ANK3: variants seen among roughly 807,000 people sequenced by gnomAD.
ANK3 encodes ankyrin-3.
In ANK3, 57 loss-of-function variants were observed where a neutral mutation model predicts 370.9. The observed-to-expected ratio is 0.15, with a 90% CI of 0.12 to 0.19. The LOEUF (loss-of-function observed/expected upper bound fraction) is 0.19, where lower values mean the gene tolerates loss of function less well. Ranked by LOEUF, ANK3 falls within the 10% of genes least tolerant of loss-of-function variation. The pLI is 1.00. For synonymous variants in ANK3, 1,929 were observed against 1,946.3 expected (o/e 0.99, Z 0.23); for missense variants, 4,439 against 5,302.1 (o/e 0.84, Z 5.06).
At chr10:60,032,836 G>A (rs2074011010) in intron 43 of ANK3, among the ~76,000 whole-genome samples, 2 of 152,122 alleles carry the variant, frequency 1.3e-5, no homozygotes, top group Admixed American at 1.3e-4. Flanking sequence ...CTGGGTACAG[G>A]AAGGTCATTC....
At chr10:60,716,658 T>G (rs531560651) in intron 1 of ANK3, among the ~76,000 whole-genome samples, 1 of 152,264 alleles carries the variant, frequency 6.6e-6, no homozygotes, top group Admixed American at 6.5e-5. Context: ...GAACTACAGA[T>G]GCATGCCACC....
At chr10:60,054,024 T>A (rs533341752) in intron 42 of ANK3, among the ~76,000 whole-genome samples, 152 of 152,320 alleles carry the variant, frequency 1.0e-3, no homozygotes, top group African/African-American at 3.5e-3. Context: ...ACTGACAAAC[T>A]CAGCTAAGTT....
At chr10:60,669,455 G>A (rs745931265) in intron 1 of ANK3, among the ~76,000 whole-genome samples, 55 of 152,162 alleles carry the variant, frequency 3.6e-4, no homozygotes, top group Non-Finnish European at 5.6e-4. Flanking sequence ...GTTGGGTACC[G>A]CTGGGTCCCT....
At chr10:60,655,881 A>C (rs1382069064) in intron 1 of ANK3, among the ~76,000 whole-genome samples, 5 of 152,170 alleles carry the variant, frequency 3.3e-5, no homozygotes, top group Non-Finnish European at 7.3e-5. Flanking sequence ...GAGATACATA[A>C]ATACTTAGCA....
At chr10:60,409,121 G>C (rs2063509887) in intron 2 of ANK3, among the ~76,000 whole-genome samples, 1 of 152,154 alleles carries the variant, frequency 6.6e-6, no homozygotes, top group African/African-American at 2.4e-5. Flanking sequence ...AACAGAAATA[G>C]CTAGCACTGC....
chr10:60,289,223 T>C (rs1164974942), intron 1 of ANK3, among the ~76,000 whole-genome samples: 1 of 151,612 alleles, frequency 6.6e-6, no homozygotes, highest in African/African-American at 2.4e-5. Flanking sequence ...ATTCTTCACT[T>C]CATAATTACC....
Position 60,140,374 on chromosome 10 carries a change from T to TA in ANK3, c.2615-1288dup, listed in dbSNP as rs754596968. 5.6e-6 allele frequency: 9 copies of TA among 1,613,722 alleles called. No homozygotes were observed. In the Admixed American group the frequency reaches 1.5e-4, roughly 27 times the overall value. The stretch of plus-strand genomic sequence containing the variant: ...TACTCTGCGGTAAAGCCATTTCCAC[T>TA]AGGCTTGGATGATCAAATGTTTTCC... On this transcript the variant is annotated intron_variant, in intron 23 of 43. Coordinates refer to ENST00000280772, the MANE Select transcript of ANK3 (RefSeq NM_020987.5).
intron 4 of ANK3, among the ~76,000 whole-genome samples, chr10:60,272,776 C>A (rs12772723): frequency 0.045 from 4,306 of 96,398 alleles, 69 homozygotes; most frequent in South Asian, 0.064. Flanking sequence ...CCACACCCAC[C>A]TTTTTTTTTT....
At chr10:60,263,734 G>T in intron 6 of ANK3, 101 bp downstream of exon 6, 1 of 1,330,570 alleles carries the variant, frequency 7.5e-7, no homozygotes, top group Non-Finnish European at 1.1e-6. Context: ...TGAAGTTAAA[G>T]GCATGGCATA....
At chr10:60,506,515 T>TA (rs2075945789) in intron 2 of ANK3, among the ~76,000 whole-genome samples, 1 of 152,150 alleles carries the variant, frequency 6.6e-6, no homozygotes, top group South Asian at 2.1e-4. Context: ...AAGCTACCTT[T>TA]AAGTTTCACG....
At chr10:60,280,743 G>T (rs1191482929) in intron 1 of ANK3, among the ~76,000 whole-genome samples, 1 of 152,194 alleles carries the variant, frequency 6.6e-6, no homozygotes, top group Non-Finnish European at 1.5e-5. Flanking sequence ...GCAGGGTATG[G>T]CTTAAAAGAG....
chr10:60,074,496 C>T lies in ANK3; in HGVS notation c.6385G>A (p.Gly2129Ser). The change falls in exon 37 of 44, where the codon GGC becomes AGC. Residue 2129 changes from glycine (G) to serine (S), a missense_variant. By Grantham distance (56) the Gly-to-Ser change is moderately conservative. Around this residue, in one of 13 missense-constraint regions of ANK3, gnomAD observed 7 missense variants for 26.9 expected, o/e 0.26. Transcript: ENST00000280772. ...DQDKSPLSDS[G>S]FETRSEKTPS... ...GTCTTTTCACTTCTTGTTTCAAAGC[C>T]ACTGTCAGACAAGGGACTTTTATCT... The T allele has an allele frequency of 6.2e-7, 1 of 1,613,776 alleles. No homozygotes were observed. The highest frequency in any genetic ancestry group is 8.5e-7 in the Non-Finnish European group (1 of 1,179,926).
chr10:60,444,450 A>G (rs757362776), intron 2 of ANK3, among the ~76,000 whole-genome samples: 445 of 136,254 alleles, frequency 3.3e-3, no homozygotes, highest in South Asian at 4.7e-3. Context: ...GTGTGTATAT[A>G]TATATATATA....
rs183655081 is a variant in ANK3, at chr10:60,420,834, C to T, written c.97-141195G>A. Among the ~76,000 whole-genome samples, 18 of 152,156 alleles carry T rather than the reference C, an allele frequency of 1.2e-4. No homozygotes were observed. In the East Asian group the frequency reaches 3.3e-3, roughly 28 times the overall value. On this transcript the variant is annotated intron_variant, in intron 2 of 43. Transcript: ENST00000373827. ...GTTAAACAAAGAATTACCCTATTAC[C>T]TAGCAATTGCACTGCTAGATATATA...
intron 7 of ANK3, among the ~76,000 whole-genome samples, chr10:60,254,613 T>G (rs1255656547): frequency 6.6e-6 from 1 of 152,230 alleles, no homozygotes; most frequent in Non-Finnish European, 1.5e-5. Flanking sequence ...TCCAAGGTCA[T>G]CTACAGAGCT....
At chr10:60,138,578 A>G (rs111266588) in intron 24 of ANK3, 1 of 409,506 alleles carries the variant, frequency 2.4e-6, no homozygotes, top group Admixed American at 4.2e-5. Context: ...GAGAATAGTG[A>G]ACAATCTATA....
At chr10:60,321,622 A>G (rs72822276) in intron 1 of ANK3, among the ~76,000 whole-genome samples, 7,794 of 152,244 alleles carry the variant, frequency 0.051, 528 homozygotes, top group African/African-American at 0.16. Context: ...CGTTAGATAG[A>G]CACCACTATC....
Position 60,358,099 on chromosome 10 carries a change from TAC to T in ANK3, c.114+31324_114+31325del, listed in dbSNP as rs200773594. 9.3e-4 allele frequency among the ~76,000 whole-genome samples: 113 copies of T among 121,658 alleles called. 1 individual carries two copies. The highest frequency in any genetic ancestry group is 2.7e-3 in the African/African-American group (98 of 35,966). 79.8% of individuals were successfully genotyped at this position (121,658 alleles called of 152,430 possible). On this transcript the variant is annotated intron_variant, in intron 1 of 43. Transcript: ENST00000280772. ...CTCATACTTAAAACATGCATATGTA[TAC>T]ACACACACACACACACACAAACACA...
At chr10:60,187,448 C>T (rs2096374092) in intron 16 of ANK3, among the ~76,000 whole-genome samples, 1 of 152,136 alleles carries the variant, frequency 6.6e-6, no homozygotes, top group Admixed American at 6.5e-5. Context: ...AGTCACTGCG[C>T]CCGGCTTAAT....
Sources: allele counts gnomAD v4.1 joint callset (sites outside exome capture counted in the v4.1 genomes callset), GRCh38; gene constraint gnomAD v4.1.1; regional missense constraint gnomAD v4.1.1; transcripts MANE v1.5; gene names NCBI Gene and HGNC (gene_info 2026-07-23, HGNC 2026-07-21).